FRMD6: variants seen among roughly 807,000 people sequenced by gnomAD.
FRMD6 encodes the protein FERM domain containing 6, also known as FERM domain-containing protein 6.
Under a neutral mutation model 73.2 loss-of-function variants are expected in FRMD6, and 37 were observed. The observed-to-expected ratio is 0.51, with a 90% CI of 0.39 to 0.66. The LOEUF (loss-of-function observed/expected upper bound fraction) is 0.66, where lower values mean the gene tolerates loss of function less well. FRMD6 is among the 30% of genes least tolerant of loss of function. The probability of loss-of-function intolerance (pLI) is 0.00; values close to 1 mark genes in which losing one functional copy is unlikely to be tolerated. For missense variants in FRMD6, 714 were observed against 780.5 expected, an observed-to-expected ratio of 0.91 and a Z score of 1.02; for synonymous variants, 273 against 282.2, an observed-to-expected ratio of 0.97 and a Z score of 0.33.
intron 3 of FRMD6, among the ~76,000 whole-genome samples, chr14:51,700,405 A>G (rs1896231692): frequency 6.6e-6 from 1 of 152,054 alleles, no homozygotes; most frequent in African/African-American, 2.4e-5. Flanking sequence ...ATCCCCTGGA[A>G]GGGATGTTTT....
intron 1 of FRMD6, among the ~76,000 whole-genome samples, chr14:51,680,906 C>T (rs565152982): frequency 2.0e-5 from 3 of 152,142 alleles, no homozygotes; most frequent in Middle Eastern, 6.8e-3. Context: ...TATTTCTTAT[C>T]CATTCGCTGC....
rs997005943 is a variant in FRMD6, at chr14:51,652,002, A to T, written c.-147+6A>T. 6.6e-6 allele frequency: 1 copy of T among 151,930 alleles called. No homozygotes were observed. The highest frequency in any genetic ancestry group is 2.4e-5 in the African/African-American group (1 of 41,344). 9.4% of individuals were successfully genotyped at this position (151,930 alleles called of 1,614,324 possible). Reference sequence around the variant, plus strand: ...TGCTCAAGACTTTCTCCGAGGTATGAACAAGAACCAGGCGTCTGGGCCCTT... The same window carrying T: ...TGCTCAAGACTTTCTCCGAGGTATGTACAAGAACCAGGCGTCTGGGCCCTT... On this transcript the variant is annotated splice_donor_region_variant and intron_variant, in intron 1 of 13. Coordinates refer to ENST00000344768, the MANE Select transcript of FRMD6 (RefSeq NM_001267046.2).
chr14:51,728,268 T>C lies in FRMD6; in HGVS notation c.*239T>C. 2.1e-6 allele frequency: 1 copy of C among 483,656 alleles called. No homozygotes were observed. The highest frequency in any genetic ancestry group is 3.7e-6 in the Non-Finnish European group (1 of 272,158). 30.0% of individuals were successfully genotyped at this position (483,656 alleles called of 1,614,324 possible). On this transcript the variant is annotated 3_prime_UTR_variant, in exon 14 of 14. Coordinates refer to ENST00000344768, the MANE Select transcript of FRMD6 (RefSeq NM_001267046.2). ...CAAGTGCCCGGAAGTTCACTGATCC[T>C]TCAGAAGGAAATGCGCTTTACTGAT...
intron 2 of FRMD6, among the ~76,000 whole-genome samples, chr14:51,627,558 A>C (rs1214581629): frequency 6.6e-6 from 1 of 152,140 alleles, no homozygotes. Flanking sequence ...CTGGGCAGAG[A>C]TAGGCTGCTG....
intron 1 of FRMD6, among the ~76,000 whole-genome samples, chr14:51,531,737 TC>T (rs1035944035): frequency 6.6e-6 from 1 of 152,242 alleles, no homozygotes; most frequent in Non-Finnish European, 1.5e-5. Flanking sequence ...CAGGTGAAGT[TC>T]TTTCATGGTC....
the FRMD6 span, among the ~76,000 whole-genome samples, chr14:51,481,212 G>A: frequency 6.6e-6 from 1 of 152,114 alleles, no homozygotes; most frequent in Admixed American, 6.5e-5. Context: ...CCGTTTTCAT[G>A]CCGCTGATAA....
intron 1 of FRMD6, among the ~76,000 whole-genome samples, chr14:51,670,906 CA>C (rs1893960602): frequency 6.6e-6 from 1 of 152,192 alleles, no homozygotes; most frequent in Non-Finnish European, 1.5e-5. Flanking sequence ...CTCGGCCTCC[CA>C]AAATGGTGGG....
chr14:51,691,366 A>T (rs1464482712), intron 2 of FRMD6, among the ~76,000 whole-genome samples: 1 of 152,138 alleles, frequency 6.6e-6, no homozygotes, highest in Non-Finnish European at 1.5e-5. Context: ...ATTGTGAATC[A>T]TAGGTTACAC....
At chr14:51,716,447 C>G (rs113475509) in intron 10 of FRMD6, among the ~76,000 whole-genome samples, 3 of 152,032 alleles carry the variant, frequency 2.0e-5, no homozygotes, top group Non-Finnish European at 4.4e-5. Context: ...GGTGAAGATT[C>G]ATATTTTAGG....
chr14:51,503,315 A>G (rs527353124), intron 1 of FRMD6, among the ~76,000 whole-genome samples: 1 of 152,282 alleles, frequency 6.6e-6, no homozygotes, highest in East Asian at 1.9e-4. Flanking sequence ...CCCATTCAGT[A>G]TGATATTGGC....
chr14:51,573,718 A>T (rs2139607193), intron 2 of FRMD6, among the ~76,000 whole-genome samples: 1 of 152,284 alleles, frequency 6.6e-6, no homozygotes, highest in Non-Finnish European at 1.5e-5. Context: ...CTCTATGTCC[A>T]AGTTATTAAA....
chr14:51,641,862 T>C (rs898936908), intron 2 of FRMD6, among the ~76,000 whole-genome samples: 1 of 152,060 alleles, frequency 6.6e-6, no homozygotes, highest in African/African-American at 2.4e-5. Flanking sequence ...CTCCCCGCTT[T>C]CCCCATAAAG....
chr14:51,698,232 A>G lies in FRMD6; in HGVS notation c.190A>G (p.Asn64Asp). The change falls in exon 3 of 14, where the codon AAT (asparagine) becomes GAT (aspartate). Residue 64 changes from asparagine to aspartate, a missense_variant and splice_region_variant. By Grantham distance (23) the Asn-to-Asp change is conservative (BLOSUM62 1). Coordinates refer to ENST00000344768, the MANE Select transcript of FRMD6 (RefSeq NM_001267046.2). ...CCTCTTTGGACTCAGTGTTATACAA[A>G]GTAAGTCTTAGAGCCCTCTCTGATG... ...CHLFGLSVIQ[N>D]NEHVYMELSQ... 1 of 1,605,348 alleles carries G rather than the reference A, an allele frequency of 6.2e-7. No individual in the cohort carries two copies.
chr14:51,525,664 C>T (rs1885211629), intron 1 of FRMD6, among the ~76,000 whole-genome samples: 1 of 152,188 alleles, frequency 6.6e-6, no homozygotes, highest in Non-Finnish European at 1.5e-5. Flanking sequence ...TCTGGTGGAA[C>T]TCCCTTTCTC....
At chr14:51,488,036 C>G (rs1266508920), upstream of FRMD6, among the ~76,000 whole-genome samples, 2 of 152,190 alleles carry the variant, frequency 1.3e-5, no homozygotes, top group African/African-American at 4.8e-5. Flanking sequence ...GTAACGAGAT[C>G]TGCTTTCTTC....
chr14:51,717,888 G>A lies in FRMD6; in HGVS notation c.1025-2167G>A, dbSNP rs573109910. 1.6e-4 allele frequency among the ~76,000 whole-genome samples: 24 copies of A among 152,204 alleles called. No individual in the cohort carries two copies. The South Asian group carries it at 2.7e-3, about 17-fold the overall frequency. On this transcript the variant is annotated intron_variant, in intron 10 of 13. Coordinates refer to ENST00000344768, the MANE Select transcript of FRMD6 (RefSeq NM_001267046.2). Reference sequence around the variant, plus strand: ...GAAGAGAAACAAAAACATGCCTTGCGTCATTTAAAAAAATGTTAAAGCCTA... The same window carrying A: ...GAAGAGAAACAAAAACATGCCTTGCATCATTTAAAAAAATGTTAAAGCCTA...
intron 1 of FRMD6, among the ~76,000 whole-genome samples, chr14:51,555,541 G>A (rs1254735651): frequency 3.3e-5 from 5 of 152,136 alleles, no homozygotes; most frequent in African/African-American, 4.8e-5. Flanking sequence ...GGTAGCTTAC[G>A]CCTGTAATCC....
chr14:51,715,273 G>T, intron 9 of FRMD6, 52 bp from the exon 10 acceptor site: 2 of 1,374,656 alleles, frequency 1.5e-6, no homozygotes, highest in South Asian at 1.7e-5. Context: ...AGGGGACTTT[G>T]GCAAATCAGA....
At chr14:51,722,307 T>C (rs1330260988) in intron 12 of FRMD6, among the ~76,000 whole-genome samples, 1 of 152,218 alleles carries the variant, frequency 6.6e-6, no homozygotes, top group African/African-American at 2.4e-5. Context: ...TTGTGCTCCA[T>C]GCTTTGGACA....
Sources: allele counts gnomAD v4.1 joint callset (sites outside exome capture counted in the v4.1 genomes callset), GRCh38; gene constraint gnomAD v4.1.1; transcripts MANE v1.5; gene names NCBI Gene and HGNC (gene_info 2026-07-23, HGNC 2026-07-21).